CNTN5: variants seen among roughly 807,000 people sequenced by gnomAD.
CNTN5 encodes contactin 5.
In CNTN5, 77 loss-of-function variants were observed where a neutral mutation model predicts 129.1. That is an observed-to-expected ratio of 0.60 (90% confidence interval 0.50 to 0.72). CNTN5 has a LOEUF of 0.72. CNTN5 is among the 30% of genes least tolerant of loss of function. CNTN5 has a pLI of 0.00. For synonymous variants in CNTN5, 509 were observed against 465.6 expected, an observed-to-expected ratio of 1.09 and a Z score of -1.20; for missense variants, 1,478 against 1,328.8, an observed-to-expected ratio of 1.11 and a Z score of -1.75.
At chr11:100,213,974 T>C (rs915004041) in intron 15 of CNTN5, among the ~76,000 whole-genome samples, 14 of 152,172 alleles carry the variant, frequency 9.2e-5, no homozygotes, top group African/African-American at 3.4e-4. Context: ...CAGTATTTGG[T>C]CTTAAAGCAC....
chr11:100,276,080 G>GA (rs1192948114), intron 18 of CNTN5, among the ~76,000 whole-genome samples: 1 of 152,198 alleles, frequency 6.6e-6, no homozygotes, highest in Non-Finnish European at 1.5e-5. Flanking sequence ...ATGTTGAATT[G>GA]AAAGTGGTAT....
chr11:99,924,356 T>C (rs978085123), intron 7 of CNTN5, among the ~76,000 whole-genome samples: 1 of 152,206 alleles, frequency 6.6e-6, no homozygotes, highest in African/African-American at 2.4e-5. Flanking sequence ...GGTTTTCTTC[T>C]AGGATTTTTA....
At chr11:99,251,123 C>T (rs1272135166) in intron 1 of CNTN5, among the ~76,000 whole-genome samples, 5 of 151,866 alleles carry the variant, frequency 3.3e-5, no homozygotes, top group African/African-American at 1.2e-4. Context: ...TGCCATTCAC[C>T]TTTGTGTTGT....
intron 1 of CNTN5, 35 bp from the exon 2 acceptor site, chr11:99,325,311 T>C (rs1382506451): frequency 1.3e-5 from 2 of 152,042 alleles, no homozygotes; most frequent in African/African-American, 2.4e-5. Context: ...AAAAGGATGA[T>C]TTTTATCACA....
chr11:100,236,489 G>A (rs1395133576), intron 16 of CNTN5, among the ~76,000 whole-genome samples: 1 of 152,136 alleles, frequency 6.6e-6, no homozygotes, highest in Admixed American at 6.5e-5. Context: ...ATATAAAAGG[G>A]GGTTCTTTTC....
rs552096279 is a variant in CNTN5 at position 100,346,127 on chromosome 11, A to G, written c.3031-4575A>G. ...ATAAATGATTGGGAAAATGAAACAA[A>G]AACTTCAAATCAAAGTTTTCTTACC... On this transcript the variant is annotated intron_variant, in intron 23 of 24. Transcript: ENST00000524871. Among the ~76,000 whole-genome samples the G allele has an allele frequency of 6.6e-5, 10 of 152,280 alleles. No homozygotes were observed. The South Asian group carries it at 2.1e-3, about 32-fold the overall frequency.
intron 13 of CNTN5, among the ~76,000 whole-genome samples, chr11:100,114,884 C>G (rs1056290450): frequency 1.3e-5 from 2 of 151,748 alleles, no homozygotes; most frequent in Admixed American, 6.6e-5. Flanking sequence ...TTTGTGAAGT[C>G]GATATTAATG....
chr11:99,310,692 C>A (rs1220099267), intron 1 of CNTN5, among the ~76,000 whole-genome samples: 9 of 152,130 alleles, frequency 5.9e-5, no homozygotes, highest in African/African-American at 2.2e-4. Context: ...ACACTATAAA[C>A]ATGTAGCCAT....
intron 1 of CNTN5, among the ~76,000 whole-genome samples, chr11:99,183,882 A>G (rs2135572543): frequency 6.6e-6 from 1 of 152,152 alleles, no homozygotes; most frequent in African/African-American, 2.4e-5. Flanking sequence ...TTGTTTCTGT[A>G]TTTTAATAGT....
Position 99,961,951 on chromosome 11 carries a change from G to A in CNTN5, c.877+4942G>A, listed in dbSNP as rs193036901. 6.5e-3 allele frequency among the ~76,000 whole-genome samples: 992 copies of A among 151,554 alleles called. 8 individuals carry two copies. Among genetic ancestry groups the A allele is most frequent in the Non-Finnish European group, 9.9e-3 (673 of 67,952 alleles). ...ACTCACACCAACTTGCAAAATTTTC[G>A]ATATATACGTAGAGAGACATATAGA... On this transcript the variant is annotated intron_variant, in intron 8 of 24. Coordinates refer to ENST00000524871, the MANE Select transcript of CNTN5 (RefSeq NM_014361.4).
rs143922569 is a variant in CNTN5 at position 99,514,364 on chromosome 11, G to A, written c.-70-41781G>A. The stretch of plus-strand genomic sequence containing the variant: ...AGATTACATAAATGCAGTTGATAAA[G>A]CAGCATCAGGGTTTGAGAGGATTGA... On this transcript the variant is annotated intron_variant, in intron 2 of 24. Transcript: ENST00000524871. Among the ~76,000 whole-genome samples, 309 of 152,134 alleles carry A rather than the reference G, an allele frequency of 2.0e-3. 1 individual carries two copies. Among genetic ancestry groups the A allele is most frequent in the African/African-American group, 7.2e-3 (298 of 41,532 alleles).
At chr11:100,036,658 T>A (rs1417854529) in intron 9 of CNTN5, among the ~76,000 whole-genome samples, 2 of 150,392 alleles carry the variant, frequency 1.3e-5, no homozygotes, top group Non-Finnish European at 3.0e-5. Context: ...CAGTGGTTTG[T>A]CATTCTCCTT....
chr11:99,985,847 A>G (rs953001511), intron 8 of CNTN5, among the ~76,000 whole-genome samples: 6 of 152,174 alleles, frequency 3.9e-5, no homozygotes, highest in African/African-American at 1.4e-4. Context: ...CCATATATAC[A>G]TCAATGATCC....
rs183293256 is a variant in CNTN5 at position 99,196,251 on chromosome 11, A to T, written c.-209-129095A>T. Among the ~76,000 whole-genome samples the T allele has an allele frequency of 9.9e-5, 15 of 151,974 alleles. No individual in the cohort carries two copies. In the East Asian group the frequency reaches 2.9e-3, roughly 29 times the overall value. Reference sequence around the variant, plus strand: ...ATAAAGAAATATATATGAACCTTATATTTGCCACATGCATGGCACATATTT... The same window carrying T: ...ATAAAGAAATATATATGAACCTTATTTTTGCCACATGCATGGCACATATTT... On this transcript the variant is annotated intron_variant, in intron 1 of 24. Transcript: ENST00000524871.
At chr11:99,218,961 C>T (rs1860264157) in intron 1 of CNTN5, among the ~76,000 whole-genome samples, 1 of 151,932 alleles carries the variant, frequency 6.6e-6, no homozygotes, top group Non-Finnish European at 1.5e-5. Context: ...GAAATCAGTA[C>T]AAAAAGATAG....
At chr11:99,718,222 C>T (rs149527275) in intron 3 of CNTN5, among the ~76,000 whole-genome samples, 1 of 152,238 alleles carries the variant, frequency 6.6e-6, no homozygotes, top group East Asian at 1.9e-4. Flanking sequence ...TATGTGTTCA[C>T]TAATACATTT....
chr11:100,092,913 A>C (rs771807481), intron 13 of CNTN5, among the ~76,000 whole-genome samples: 1 of 152,092 alleles, frequency 6.6e-6, no homozygotes, highest in Non-Finnish European at 1.5e-5. Context: ...GCTTTTTAAC[A>C]TATAGGCTGT....
At chr11:99,150,345 A>G (rs1859992967) in intron 1 of CNTN5, among the ~76,000 whole-genome samples, 1 of 152,066 alleles carries the variant, frequency 6.6e-6, no homozygotes. Flanking sequence ...CAAATAACAT[A>G]TCATGTATTT....
At chr11:100,160,359 T>C (rs1947405516) in intron 13 of CNTN5, among the ~76,000 whole-genome samples, 1 of 151,960 alleles carries the variant, frequency 6.6e-6, no homozygotes, top group African/African-American at 2.4e-5. Context: ...TTTGCTATTG[T>C]GAATAGTGCT....
Sources: allele counts gnomAD v4.1 joint callset (sites outside exome capture counted in the v4.1 genomes callset), GRCh38; gene constraint gnomAD v4.1.1; transcripts MANE v1.5; gene names NCBI Gene and HGNC (gene_info 2026-07-23, HGNC 2026-07-21).